COLEC12: variants seen among roughly 807,000 people sequenced by gnomAD.
The protein encoded by COLEC12 is collectin subfamily member 12.
In COLEC12, 33 loss-of-function variants were observed where a neutral mutation model predicts 71.1. The observed-to-expected ratio is 0.46, with a 90% CI of 0.35 to 0.62. The LOEUF (loss-of-function observed/expected upper bound fraction) is 0.62. Ranked by LOEUF, COLEC12 falls within the 20% of genes least tolerant of loss-of-function variation. COLEC12 has a pLI of 0.00. For missense variants in COLEC12, 765 were observed against 916.1 expected (o/e 0.84, Z 2.13); for synonymous variants, 350 against 353.0 (o/e 0.99, Z 0.10).
chr18:384,453 T>C (rs548295381), intron 2 of COLEC12, among the ~76,000 whole-genome samples: 83 of 152,094 alleles, frequency 5.5e-4, no homozygotes, highest in Non-Finnish European at 1.0e-3. Flanking sequence ...TACCTGCAGA[T>C]AGATGAAGGA....
rs1338255050 is a variant in COLEC12 at position 500,680 on chromosome 18, G to A, written c.-166C>T. On this transcript the variant is annotated 5_prime_UTR_variant, in exon 1 of 10. Transcript: ENST00000400256. The surrounding 1 kb of genome is among the most constrained non-coding windows in gnomAD (Gnocchi z 5.3). ...GCCGCCGCCGGCCCGCGCTCCCCGC[G>A]CTCCCGGCTCCGCGCTCTGCTGCCT... The A allele has an allele frequency of 6.6e-6, 2 of 301,500 alleles. No homozygotes were observed. The highest frequency in any genetic ancestry group is 1.2e-4 in the Admixed American group (2 of 16,564). The allele number at this position is 301,500 out of a possible 1,614,324, so 18.7% of individuals were successfully genotyped here.
intron 2 of COLEC12, among the ~76,000 whole-genome samples, chr18:448,051 T>C (rs4798213): frequency 0.48 from 72,974 of 152,048 alleles, 17,970 homozygotes; most frequent in East Asian, 0.66. Context: ...AAATGTTGTC[T>C]CCCTGTGACT....
Position 399,939 on chromosome 18 carries a change from TGGTGGGGGCG to T in COLEC12, c.59-42427_59-42418del, listed in dbSNP as rs1915647475. On this transcript the variant is annotated intron_variant, in intron 2 of 9. Transcript: ENST00000400256. The surrounding 1 kb of genome is among the most constrained non-coding windows in gnomAD (Gnocchi z 4.0). Reference sequence around the variant, plus strand: ...TCCTCAGACAACGCTTGTTAAAGGGTGGTGGGGGCGGGTGGGGGATAGTGACTGAAGAGGC... The same window carrying T: ...TCCTCAGACAACGCTTGTTAAAGGGTGGTGGGGGATAGTGACTGAAGAGGC... Among the ~76,000 whole-genome samples, 2 of 151,556 alleles carry T rather than the reference TGGTGGGGGCG, an allele frequency of 1.3e-5. No homozygotes were observed.
At chr18:412,482 A>G (rs1209101688) in intron 2 of COLEC12, among the ~76,000 whole-genome samples, 1 of 120,510 alleles carries the variant, frequency 8.3e-6, no homozygotes, top group Non-Finnish European at 1.9e-5. Context: ...CTCTAAACAG[A>G]AAAAAAAAAA....
At chr18:475,476 G>A (rs1917286990) in intron 2 of COLEC12, among the ~76,000 whole-genome samples, 1 of 152,162 alleles carries the variant, frequency 6.6e-6, no homozygotes, top group African/African-American at 2.4e-5. Context: ...AGAAGATGAA[G>A]CCAGGCTTCC....
chr18:388,930 A>G (rs1191453963), intron 2 of COLEC12, among the ~76,000 whole-genome samples: 1 of 152,052 alleles, frequency 6.6e-6, no homozygotes, highest in East Asian at 1.9e-4. Flanking sequence ...GCCCTTCTCC[A>G]GTTCTCTCCA....
In COLEC12 at chr18:346,293, A is replaced by G. The variant is rs769704234; in HGVS notation, c.1327+2T>C. 6.3e-7 allele frequency: 1 copy of G among 1,596,182 alleles called. No homozygotes were observed. The highest frequency in any genetic ancestry group is 1.1e-5 in the South Asian group (1 of 89,046). The stretch of plus-strand genomic sequence containing the variant: ...AAATACAAATTCAGAATTTTGACTT[A>G]CCTTGTAGTATTGTAAAATTCTTGA... On this transcript the variant is annotated splice_donor_variant, in intron 5 of 9. Transcript: ENST00000400256. LOFTEE classifies it high-confidence loss of function. The surrounding 1 kb of genome is among the most constrained non-coding windows in gnomAD (Gnocchi z 4.0).
At chr18:338,307 TA>T (rs1914164776) in intron 5 of COLEC12, among the ~76,000 whole-genome samples, 1 of 152,196 alleles carries the variant, frequency 6.6e-6, no homozygotes, top group East Asian at 1.9e-4. Flanking sequence ...TCACAGTCAC[TA>T]TTAAGCAAGT....
At chr18:473,818 G>C (rs954216502) in intron 2 of COLEC12, among the ~76,000 whole-genome samples, 3 of 152,154 alleles carry the variant, frequency 2.0e-5, no homozygotes, top group African/African-American at 7.2e-5. Context: ...AAACAGAGCT[G>C]AGTAGATTTT....
chr18:424,686 T>C (rs1916163136), intron 2 of COLEC12, among the ~76,000 whole-genome samples: 1 of 152,230 alleles, frequency 6.6e-6, no homozygotes, highest in Admixed American at 6.5e-5. Context: ...TGTTGTCATC[T>C]CAGGCACTGA....
chr18:347,308 T>C lies in COLEC12; in HGVS notation c.314A>G (p.Asn105Ser). The change falls in exon 5 of 10, where the codon AAC becomes AGC. Residue 105 changes from asparagine (N) to serine (S), a missense_variant. Coordinates refer to ENST00000400256, the MANE Select transcript of COLEC12 (RefSeq NM_130386.3). ...TGATCTGAAGGTGGAGAGTTCTGAG[T>C]TGGTGCTGATAGCTTTCTTCCCAGT... The part of the protein sequence containing the change: ...DQTGKKAIST[N>S]SELSTFRSDI... 1 of 1,613,370 alleles carries C rather than the reference T, an allele frequency of 6.2e-7. No homozygotes were observed. Among genetic ancestry groups the C allele is most frequent in the East Asian group, 2.2e-5 (1 of 44,842 alleles).
chr18:397,473 T>A (rs1347768584), intron 2 of COLEC12, among the ~76,000 whole-genome samples: 7 of 152,200 alleles, frequency 4.6e-5, no homozygotes, highest in African/African-American at 1.7e-4. Flanking sequence ...TGTGTCCTAG[T>A]TAGATTTTTA....
intron 2 of COLEC12, among the ~76,000 whole-genome samples, chr18:475,144 C>T (rs1917280571): frequency 6.6e-6 from 1 of 152,104 alleles, no homozygotes; most frequent in South Asian, 2.1e-4. Context: ...ATAAATGAAA[C>T]TCTCCCCTTA....
intron 2 of COLEC12, among the ~76,000 whole-genome samples, chr18:469,417 G>A (rs1917150763): frequency 6.6e-6 from 1 of 152,182 alleles, no homozygotes; most frequent in African/African-American, 2.4e-5. Flanking sequence ...AATTCCCAGA[G>A]GCAAAAGGCC....
intron 2 of COLEC12, among the ~76,000 whole-genome samples, chr18:425,464 T>A (rs192025923): frequency 2.6e-5 from 4 of 151,932 alleles, no homozygotes; most frequent in Admixed American, 1.3e-4. Context: ...AGGAGGGGAG[T>A]GTGCTGGGCC....
chr18:484,638 T>C (rs1044388069), intron 1 of COLEC12, among the ~76,000 whole-genome samples: 18 of 152,158 alleles, frequency 1.2e-4, no homozygotes, highest in African/African-American at 4.3e-4. Context: ...ATCCCTTTCT[T>C]GGAAATTCAT....
chr18:413,161 A>C (rs1915924359), intron 2 of COLEC12, among the ~76,000 whole-genome samples: 1 of 152,214 alleles, frequency 6.6e-6, no homozygotes, highest in South Asian at 2.1e-4. Flanking sequence ...CAAAAATACA[A>C]ATGATCTCAT....
At chr18:338,263 C>G (rs929297852) in intron 5 of COLEC12, among the ~76,000 whole-genome samples, 4 of 152,190 alleles carry the variant, frequency 2.6e-5, no homozygotes, top group African/African-American at 9.7e-5. Flanking sequence ...TACTCAAGAC[C>G]CTTCTCCATG....
chr18:409,717 C>A lies in COLEC12; in HGVS notation c.59-52195G>T, dbSNP rs146795184. Among the ~76,000 whole-genome samples the A allele has an allele frequency of 4.2e-3, 636 of 152,114 alleles. 6 individuals carry two copies. Among genetic ancestry groups the A allele is most frequent in the African/African-American group, 0.015 (602 of 41,486 alleles). Reference sequence around the variant, plus strand: ...ATTGTGAAATTGTTCACTTTGATACCATAGATATTAATTACCCACTGTAAG... The same window carrying A: ...ATTGTGAAATTGTTCACTTTGATACAATAGATATTAATTACCCACTGTAAG... On this transcript the variant is annotated intron_variant, in intron 2 of 9. Coordinates refer to ENST00000400256, the MANE Select transcript of COLEC12 (RefSeq NM_130386.3).
Sources: gnomAD v4.1 joint callset for allele counts (sites outside exome capture counted in the v4.1 genomes callset) on GRCh38, gnomAD v4.1.1 for gene constraint, Gnocchi (gnomAD v3.1) non-coding constraint, MANE v1.5 for transcripts, NCBI Gene and HGNC (gene_info 2026-07-23, HGNC 2026-07-21) for gene names.